BTBD8: variants seen among roughly 807,000 people sequenced by gnomAD.
BTBD8 encodes the protein BTB/POZ domain-containing protein 8.
In BTBD8, 110 loss-of-function variants were observed where a neutral mutation model predicts 162.9. That is an observed-to-expected ratio of 0.68 (90% CI 0.58 to 0.79). The LOEUF (loss-of-function observed/expected upper bound fraction) is 0.79. Among genes scored for constraint, BTBD8 ranks in the 30% least tolerant of loss-of-function variants. The pLI, the probability that BTBD8 is intolerant of heterozygous loss-of-function variation, is 0.00. For missense variants in BTBD8, 1,905 were observed against 2,085.4 expected, an observed-to-expected ratio of 0.91 and a Z score of 1.68; for synonymous variants, 667 against 716.1, an observed-to-expected ratio of 0.93 and a Z score of 1.10.
rs181154889 is a variant in BTBD8, at chr1:92,131,910, G to A, written c.752+2134G>A. On this transcript the variant is annotated intron_variant, in intron 5 of 17. Transcript: ENST00000636805. ...TTTTTAGTAGAGGTGAGGTCTCATCGTGTTGCCCAGGCCAGTCTCAAACTC... is the reference window on the plus strand; with the variant it reads ...TTTTTAGTAGAGGTGAGGTCTCATCATGTTGCCCAGGCCAGTCTCAAACTC... Among the ~76,000 whole-genome samples the A allele has an allele frequency of 1.7e-3, 266 of 152,076 alleles. 3 individuals carry two copies. Among genetic ancestry groups the A allele is most frequent in the South Asian group, 8.3e-4 (4 of 4,818 alleles).
At chr1:92,107,489 C>T (rs115362270) in intron 3 of BTBD8, among the ~76,000 whole-genome samples, 1,711 of 152,194 alleles carry the variant, frequency 0.011, 18 homozygotes, top group Non-Finnish European at 0.019. Context: ...CAGTAACATG[C>T]GGTACTGGTT....
intron 9 of BTBD8, 64 bp downstream of exon 9, chr1:92,147,850 G>T: frequency 7.7e-7 from 1 of 1,305,446 alleles, no homozygotes. Flanking sequence ...ATTTTGTATA[G>T]TACTTTCAGT....
chr1:92,171,603 T>G, intron 13 of BTBD8, 143 bp downstream of exon 13: 1 of 542,900 alleles, frequency 1.8e-6, no homozygotes, highest in Non-Finnish European at 3.1e-6. Context: ...TTTTTCTAAA[T>G]CAAGTGAACA....
At chr1:92,083,135 C>CAAAA (rs142871617) in intron 1 of BTBD8, among the ~76,000 whole-genome samples, 1 of 93,350 alleles carries the variant, frequency 1.1e-5, no homozygotes. Context: ...GACTCTGTCT[C>CAAAA]AAAAAAAAAA....
chr1:92,088,269 CT>C lies in BTBD8; in HGVS notation c.150-420del, dbSNP rs200479279. 7.8e-3 allele frequency among the ~76,000 whole-genome samples: 1,184 copies of C among 151,388 alleles called. 8 individuals are homozygous for C. The highest frequency in any genetic ancestry group is 0.024 in the Middle Eastern group (7 of 292). On this transcript the variant is annotated intron_variant, in intron 1 of 17. Coordinates refer to ENST00000636805, the MANE Select transcript of BTBD8 (RefSeq NM_001376131.1). ...GTTTGTTGCTGTCATTAACTATTAA[CT>C]TTTTTTTTGCTTCAATTTAAGTAAG... is the stretch of plus-strand genomic sequence containing the variant.
rs376622774 is a variant in BTBD8, at chr1:92,139,410, T to G, written c.813T>G (p.Ile271Met). The part of the protein sequence containing the change: ...MHFIYGGTLD[I>M]PDKTNVGQIL... ...TTATATATGGAGGAACTCTGGACAT[T>G]CCAGACAAAACTAATGTTGGGTATG... The change falls in exon 6 of 18, where the codon ATT becomes ATG. Residue 271 changes from isoleucine (I) to methionine (M), a missense_variant. Transcript: ENST00000636805. 1.9e-4 allele frequency: 311 copies of G among 1,603,582 alleles called. No individual in the cohort carries two copies. The highest frequency in any genetic ancestry group is 2.4e-4 in the Non-Finnish European group (282 of 1,177,260).
intron 7 of BTBD8, among the ~76,000 whole-genome samples, chr1:92,143,329 G>A (rs967101791): frequency 1.7e-4 from 26 of 151,722 alleles, no homozygotes; most frequent in Non-Finnish European, 2.8e-4. Context: ...TTAATATGTG[G>A]ATGAGTATAT....
intron 4 of BTBD8, among the ~76,000 whole-genome samples, chr1:92,121,920 C>G (rs1296604409): frequency 6.6e-6 from 1 of 152,066 alleles, no homozygotes; most frequent in Admixed American, 6.6e-5. Context: ...ATCCTCCCGC[C>G]TCAGCCTCCC....
intron 9 of BTBD8, among the ~76,000 whole-genome samples, chr1:92,165,455 A>C (rs1331276678): frequency 6.6e-6 from 1 of 152,200 alleles, no homozygotes; most frequent in African/African-American, 2.4e-5. Context: ...TGTATAAAAG[A>C]AATCTGATGT....
At position 92,180,782 on chromosome 1, in the gene BTBD8, G is replaced by A. The variant is rs1266833401; in HGVS notation, c.3099G>A (p.Lys1033=). 1.9e-6 allele frequency: 3 copies of A among 1,551,574 alleles called. No homozygotes were observed. Among genetic ancestry groups the A allele is most frequent in the Non-Finnish European group, 2.6e-6 (3 of 1,147,000 alleles). ...KLALECQNIS[K]LDKSLKHELE... ...CGTTAGAATGCCAAAATATTTCAAA[G>A]CTGGATAAATCATTAAAACACGAAC... The change falls in exon 17 of 18, where the codon AAG becomes AAA. Residue 1033 remains lysine (K), a synonymous_variant. Coordinates refer to ENST00000636805, the MANE Select transcript of BTBD8 (RefSeq NM_001376131.1).
chr1:92,182,695 ATAAT>A, intron 17 of BTBD8, 100 bp downstream of exon 17: 1 of 647,688 alleles, frequency 1.5e-6, no homozygotes, highest in Non-Finnish European at 2.4e-6. Context: ...GTCAGATAGA[ATAAT>A]TACTTAAGCA....
intron 2 of BTBD8, among the ~76,000 whole-genome samples, chr1:92,094,350 A>C (rs1307236861): frequency 6.6e-6 from 1 of 152,204 alleles, no homozygotes; most frequent in African/African-American, 2.4e-5. Context: ...GATTGTTTTG[A>C]CATTTGTCTG....
At position 92,180,757 on chromosome 1, in the gene BTBD8, C is replaced by T. The variant is rs920983236; in HGVS notation, c.3074C>T (p.Ala1025Val). Residue 1025 changes from alanine (A) to valine (V), a missense_variant, in exon 17 of 18, where the codon GCG (alanine) becomes GTG (valine). This residue lies in a region of BTBD8 where 1,374 missense variants were observed against 1,442.7 expected (regional missense o/e 0.95). Coordinates refer to ENST00000636805, the MANE Select transcript of BTBD8 (RefSeq NM_001376131.1). Reference protein sequence around the residue: ...PLNDQEKEKLALECQNISKLD... With the variant: ...PLNDQEKEKLVLECQNISKLD... ...AACGATCAAGAAAAAGAGAAGTTGGCGTTAGAATGCCAAAATATTTCAAAG... is the reference window on the plus strand; with the variant it reads ...AACGATCAAGAAAAAGAGAAGTTGGTGTTAGAATGCCAAAATATTTCAAAG... The T allele has an allele frequency of 6.4e-6, 10 of 1,551,574 alleles. No homozygotes were observed. The highest frequency in any genetic ancestry group is 1.2e-5 in the South Asian group (1 of 84,050).
At chr1:92,140,685 A>G (rs942571055) in intron 6 of BTBD8, among the ~76,000 whole-genome samples, 6 of 152,226 alleles carry the variant, frequency 3.9e-5, no homozygotes, top group African/African-American at 1.4e-4. Context: ...ATTGGATGCT[A>G]TCTCCAATCT....
At chr1:92,134,137 TCC>T (rs1649575978) in intron 5 of BTBD8, among the ~76,000 whole-genome samples, 1 of 21,692 alleles carries the variant, frequency 4.6e-5, no homozygotes, top group South Asian at 3.6e-3. Context: ...GTGAAGGAAC[TCC>T]ACTTGTTTCA....
intron 3 of BTBD8, among the ~76,000 whole-genome samples, chr1:92,104,226 G>C (rs1421234974): frequency 2.6e-5 from 4 of 152,098 alleles, no homozygotes; most frequent in African/African-American, 7.2e-5. Context: ...AATATTTTTT[G>C]GGTTAAAGGA....
chr1:92,099,336 A>G (rs1478138822), intron 2 of BTBD8, among the ~76,000 whole-genome samples: 1 of 151,668 alleles, frequency 6.6e-6, no homozygotes, highest in Admixed American at 6.6e-5. Flanking sequence ...GAATCCACCA[A>G]CTTTGTTATT....
In BTBD8 at chr1:92,179,291, A is replaced by G. The variant is rs375930447; in HGVS notation, c.2581+840A>G. 8.5e-5 allele frequency among the ~76,000 whole-genome samples: 13 copies of G among 152,224 alleles called. No individual in the cohort carries two copies. In the East Asian group the frequency reaches 2.5e-3, roughly 29 times the overall value. ...TAATGATAATAATAGTGCAGTCTAA[A>G]CAACTATAATACATAAGGAGGAAGA... is the stretch of plus-strand genomic sequence containing the variant. On this transcript the variant is annotated intron_variant, in intron 16 of 17. Transcript: ENST00000636805.
intron 17 of BTBD8, among the ~76,000 whole-genome samples, chr1:92,182,864 A>G (rs1172571712): frequency 1.3e-5 from 2 of 152,102 alleles, no homozygotes; most frequent in Non-Finnish European, 2.9e-5. Context: ...AAGAATAAAA[A>G]GAAAAACTTA....
Sources: gnomAD v4.1 joint callset for allele counts (sites outside exome capture counted in the v4.1 genomes callset) on GRCh38, gnomAD v4.1.1 for gene constraint, gnomAD v4.1.1 regional missense constraint, MANE v1.5 for transcripts, NCBI Gene and HGNC (gene_info 2026-07-23, HGNC 2026-07-21) for gene names.